PCDHA9: variants seen among roughly 807,000 people sequenced by gnomAD.
PCDHA9 encodes protocadherin alpha-9.
In PCDHA9, 62 loss-of-function variants were observed where a neutral mutation model predicts 62.0. The observed-to-expected ratio is 1.00, with a 90% CI of 0.81 to 1.23. The LOEUF is 1.23. Among genes scored for constraint, PCDHA9 ranks in the 50% most tolerant of loss-of-function variants. The pLI, the probability that PCDHA9 is intolerant of heterozygous loss-of-function variation, is 0.00. For missense variants in PCDHA9, 1,205 were observed against 1,249.8 expected, an observed-to-expected ratio of 0.96 and a Z score of 0.54; for synonymous variants, 557 against 567.6, an observed-to-expected ratio of 0.98 and a Z score of 0.27.
intron 3 of PCDHA9, among the ~76,000 whole-genome samples, chr5:140,997,458 G>A (rs1167865060): frequency 5.3e-5 from 8 of 152,070 alleles, no homozygotes; most frequent in African/African-American, 1.7e-4. Flanking sequence ...ACTGAATACT[G>A]TAGGCAATTT....
At chr5:140,902,917 T>G (rs1235478755) in intron 1 of PCDHA9, among the ~76,000 whole-genome samples, 1 of 152,230 alleles carries the variant, frequency 6.6e-6, no homozygotes, top group Non-Finnish European at 1.5e-5. Context: ...CTGAGTAGTA[T>G]TGCATGGTGT....
At chr5:140,927,795 G>A (rs781829757) in intron 1 of PCDHA9, 39 of 1,614,144 alleles carry the variant, frequency 2.4e-5, no homozygotes, top group Non-Finnish European at 3.2e-5. Context: ...CACTAGGTCC[G>A]CCTGAAACGC....
intron 1 of PCDHA9, chr5:140,928,385 T>G: frequency 6.2e-7 from 1 of 1,614,046 alleles, no homozygotes; most frequent in Middle Eastern, 1.7e-4. Flanking sequence ...TCTAGCTTGC[T>G]GGCAGTGGAA....
In PCDHA9 at chr5:140,922,940, G is replaced by A. The variant is rs138846807; in HGVS notation, c.2395-56009G>A. 4.7e-3 allele frequency among the ~76,000 whole-genome samples: 717 copies of A among 152,280 alleles called. 4 individuals carry two copies. Among genetic ancestry groups the A allele is most frequent in the Middle Eastern group, 0.021 (6 of 292 alleles). On this transcript the variant is annotated intron_variant, in intron 1 of 3. Coordinates refer to ENST00000532602, the MANE Select transcript of PCDHA9 (RefSeq NM_031857.2). Reference sequence around the variant, plus strand: ...ACTTCAGACTTTTACTTCCAGCAATGGAAATCCAGTTTGTCTTCAGCCAGT... The same window carrying A: ...ACTTCAGACTTTTACTTCCAGCAATAGAAATCCAGTTTGTCTTCAGCCAGT...
intron 1 of PCDHA9, chr5:140,854,286 T>A: frequency 1.9e-6 from 1 of 522,000 alleles, no homozygotes; most frequent in Non-Finnish European, 2.5e-6. Flanking sequence ...AGTTTAGTTT[T>A]TATTATTTTG....
intron 1 of PCDHA9, among the ~76,000 whole-genome samples, chr5:140,892,806 A>G (rs1262963314): frequency 2.6e-5 from 4 of 152,228 alleles, no homozygotes; most frequent in African/African-American, 7.2e-5. Flanking sequence ...ATAGTTAACC[A>G]TATTTATCCT....
chr5:140,872,347 C>T (rs556222685), intron 1 of PCDHA9, among the ~76,000 whole-genome samples: 44 of 152,200 alleles, frequency 2.9e-4, no homozygotes, highest in African/African-American at 1.0e-3. Context: ...CATGTTCTTG[C>T]CAGGCAAAGT....
chr5:140,998,524 T>A (rs553357630), intron 3 of PCDHA9, among the ~76,000 whole-genome samples: 1 of 152,328 alleles, frequency 6.6e-6, no homozygotes, highest in East Asian at 1.9e-4. Flanking sequence ...TTATTCATAT[T>A]TATATCCCTA....
intron 1 of PCDHA9, among the ~76,000 whole-genome samples, chr5:140,932,490 A>G (rs1330943965): frequency 6.6e-6 from 1 of 151,852 alleles, no homozygotes; most frequent in South Asian, 2.1e-4. Context: ...CCTCTTTGCA[A>G]TGTCATTTGT....
At position 140,858,002 on chromosome 5, in the gene PCDHA9, G is replaced by A. The variant is rs782820218; in HGVS notation, c.2394+7113G>A. On this transcript the variant is annotated intron_variant, in intron 1 of 3. Transcript: ENST00000532602. The stretch of plus-strand genomic sequence containing the variant: ...CCAGCGCCTACTGGTGCTGGTGAAG[G>A]ACCATGGCGAGCCGTCGCTGACGGC... 1.9e-6 allele frequency: 3 copies of A among 1,596,800 alleles called. No homozygotes were observed. The Admixed American group carries it at 5.1e-5, about 27-fold the overall frequency.
At position 140,991,361 on chromosome 5, in the gene PCDHA9, G is replaced by A. The variant is rs1183124741; in HGVS notation, c.2542+8798G>A. On this transcript the variant is annotated intron_variant, in intron 3 of 3. Transcript: ENST00000532602. ...GGTAACTTGGAAAAGACTATTTACT[G>A]TCTGAGTTCTAGGCCAACTGTAGGG... Among the ~76,000 whole-genome samples, 3 of 152,200 alleles carry A rather than the reference G, an allele frequency of 2.0e-5. No individual in the cohort carries two copies. In the East Asian group the frequency reaches 5.8e-4, roughly 29 times the overall value.
At chr5:140,911,299 T>A (rs1583781432) in intron 1 of PCDHA9, among the ~76,000 whole-genome samples, 1 of 152,154 alleles carries the variant, frequency 6.6e-6, no homozygotes, top group Non-Finnish European at 1.5e-5. Flanking sequence ...CTTTTACATA[T>A]CCCCATTCCA....
At chr5:140,937,142 A>G (rs1362886135) in intron 1 of PCDHA9, among the ~76,000 whole-genome samples, 1 of 147,852 alleles carries the variant, frequency 6.8e-6, no homozygotes, top group Non-Finnish European at 1.5e-5. Context: ...GGTTCATGCC[A>G]TTCTCCTGCC....
At chr5:140,911,709 G>A (rs1029382331) in intron 1 of PCDHA9, among the ~76,000 whole-genome samples, 1 of 151,822 alleles carries the variant, frequency 6.6e-6, no homozygotes, top group Non-Finnish European at 1.5e-5. Context: ...AATTTATTTT[G>A]TGTAACTCTG....
intron 1 of PCDHA9, among the ~76,000 whole-genome samples, chr5:140,971,478 A>C (rs111781444): frequency 3.5e-4 from 53 of 152,260 alleles, no homozygotes; most frequent in African/African-American, 1.3e-3. Flanking sequence ...AGAGAGTGTC[A>C]CATTGTTACA....
intron 1 of PCDHA9, among the ~76,000 whole-genome samples, chr5:140,896,910 T>C (rs1174063416): frequency 1.3e-5 from 2 of 152,208 alleles, no homozygotes; most frequent in Non-Finnish European, 2.9e-5. Context: ...AAGCATGCAA[T>C]GCACAATAAT....
intron 1 of PCDHA9, among the ~76,000 whole-genome samples, chr5:140,887,248 C>T (rs1232310514): frequency 6.6e-6 from 1 of 152,046 alleles, no homozygotes; most frequent in Non-Finnish European, 1.5e-5. Flanking sequence ...CGGCGCCCGC[C>T]ACCACGCCCT....
At chr5:140,922,002 A>G (rs138196210) in intron 1 of PCDHA9, among the ~76,000 whole-genome samples, 100 of 152,130 alleles carry the variant, frequency 6.6e-4, no homozygotes, top group Admixed American at 1.6e-3. Flanking sequence ...CAATGAAATG[A>G]TTAGTTTAAA....
chr5:140,936,326 A>G (rs2090913771), intron 1 of PCDHA9, among the ~76,000 whole-genome samples: 1 of 152,138 alleles, frequency 6.6e-6, no homozygotes, highest in South Asian at 2.1e-4. Flanking sequence ...CATGCTATAA[A>G]TTTTCTCTAT....
Sources: allele counts gnomAD v4.1 joint callset (sites outside exome capture counted in the v4.1 genomes callset), GRCh38; gene constraint gnomAD v4.1.1; transcripts MANE v1.5; gene names NCBI Gene and HGNC (gene_info 2026-07-23, HGNC 2026-07-21).